FOXO3: variants seen among roughly 807,000 people sequenced by gnomAD.
FOXO3 encodes forkhead box protein O3.
Under a neutral mutation model 41.9 loss-of-function variants are expected in FOXO3, and 4 were observed. The observed-to-expected ratio is 0.10, with a 90% CI of 0.05 to 0.22. The LOEUF is 0.22. FOXO3 is among the 10% of genes least tolerant of loss of function. The pLI is 1.00. For missense variants in FOXO3, 534 were observed against 906.8 expected (o/e 0.59, Z 5.28); for synonymous variants, 318 against 389.3 (o/e 0.82, Z 2.16).
chr6:108,683,506 G>A lies in FOXO3; in HGVS notation c.*3714G>A, dbSNP rs1328437546. The A allele has an allele frequency of 6.6e-6, 1 of 152,184 alleles. No individual in the cohort carries two copies. Among genetic ancestry groups the A allele is most frequent in the East Asian group, 1.9e-4 (1 of 5,184 alleles). The allele number at this position is 152,184 out of a possible 1,614,324, so 9.4% of individuals were successfully genotyped here. ...AATGTTATCCAGCCTGACCAACATGGAGAAACCCCGTCTCCATTAAAAATA... is the reference window on the plus strand; with the variant it reads ...AATGTTATCCAGCCTGACCAACATGAAGAAACCCCGTCTCCATTAAAAATA... On this transcript the variant is annotated 3_prime_UTR_variant, in exon 3 of 3. Coordinates refer to ENST00000406360, the MANE Select transcript of FOXO3 (RefSeq NM_001455.4).
At chr6:108,630,797 A>G (rs1777949867) in intron 1 of FOXO3, among the ~76,000 whole-genome samples, 1 of 152,096 alleles carries the variant, frequency 6.6e-6, no homozygotes, top group Non-Finnish European at 1.5e-5. Flanking sequence ...AGAAGGAAAA[A>G]CTATATTAGA....
intron 1 of FOXO3, among the ~76,000 whole-genome samples, chr6:108,630,458 G>A (rs759454914): frequency 6.6e-6 from 1 of 152,164 alleles, no homozygotes; most frequent in African/African-American, 2.4e-5. Flanking sequence ...ACTTTCAAGG[G>A]AATTTGAACA....
chr6:108,624,452 T>A (rs961084310), intron 1 of FOXO3, among the ~76,000 whole-genome samples: 12 of 152,130 alleles, frequency 7.9e-5, no homozygotes, highest in Non-Finnish European at 1.8e-4. Context: ...GGCCAGTAGG[T>A]TTTTTGCTTA....
chr6:108,622,934 A>G (rs1395193386), intron 1 of FOXO3, among the ~76,000 whole-genome samples: 16 of 151,538 alleles, frequency 1.1e-4, no homozygotes, highest in Non-Finnish European at 2.2e-4. Context: ...CCTTTTAGAA[A>G]AAAAAAAAAA....
In FOXO3 at chr6:108,663,502, C is replaced by T; in HGVS notation, c.669C>T (p.Val223=). The T allele has an allele frequency of 6.2e-7, 1 of 1,609,702 alleles. No individual in the cohort carries two copies. The highest frequency in any genetic ancestry group is 8.5e-7 in the Non-Finnish European group (1 of 1,177,850). The change falls in exon 2 of 3, where the codon GTC becomes GTT. Residue 223 remains valine, a synonymous_variant. Transcript: ENST00000406360. ...NLSLHSRFMR[V]QNEGTGKSSW... is the part of the protein sequence containing the mutation. ...CACTGCATAGTCGATTCATGCGGGT[C>T]CAGAATGAGGGAACTGGCAAGAGCT... is the stretch of plus-strand genomic sequence containing the variant.
At chr6:108,630,108 G>A (rs977284005) in intron 1 of FOXO3, among the ~76,000 whole-genome samples, 1 of 152,188 alleles carries the variant, frequency 6.6e-6, no homozygotes, top group African/African-American at 2.4e-5. Context: ...TAGACCACAA[G>A]TGGCTTCAGA....
intron 2 of FOXO3, among the ~76,000 whole-genome samples, chr6:108,669,712 G>T (rs1378171927): frequency 6.6e-6 from 1 of 152,148 alleles, no homozygotes; most frequent in Admixed American, 6.5e-5. Context: ...GCAGAGGCTG[G>T]TACACTGGCT....
At chr6:108,664,938 G>A in intron 2 of FOXO3, 49 bp downstream of exon 2, 2 of 1,510,128 alleles carry the variant, frequency 1.3e-6, no homozygotes, top group East Asian at 2.3e-5. Context: ...GGGATGAGGG[G>A]GGATCTCTGG....
chr6:108,583,029 A>G (rs546515481), intron 1 of FOXO3, among the ~76,000 whole-genome samples: 85 of 152,204 alleles, frequency 5.6e-4, no homozygotes, highest in Middle Eastern at 3.4e-3. Flanking sequence ...TATTTTCTGG[A>G]TGAGGATATT....
At chr6:108,618,233 T>G in intron 1 of FOXO3, 1 of 809,248 alleles carries the variant, frequency 1.2e-6, no homozygotes, top group Non-Finnish European at 2.2e-6. Flanking sequence ...CACCTTCAAA[T>G]TAATATGATT....
At chr6:108,618,331 T>C (rs1777571904) in intron 1 of FOXO3, 6 of 630,682 alleles carry the variant, frequency 9.5e-6, no homozygotes, top group South Asian at 1.6e-5. Flanking sequence ...AAAAGAGATA[T>C]CAGGTCCACA....
At chr6:108,648,206 T>A (rs1353718123) in intron 1 of FOXO3, among the ~76,000 whole-genome samples, 1 of 152,168 alleles carries the variant, frequency 6.6e-6, no homozygotes, top group African/African-American at 2.4e-5. Context: ...AGAAACTCAG[T>A]ACTGTTAGGA....
In FOXO3 at chr6:108,561,121, C is replaced by A; in HGVS notation, c.-88C>A. Reference sequence around the variant, plus strand: ...CGGCGCCCGGGAGCCGGAGCCTTCGCGGCGTCCACGTCCCTCCCCCGCTGC... The same window carrying A: ...CGGCGCCCGGGAGCCGGAGCCTTCGAGGCGTCCACGTCCCTCCCCCGCTGC... On this transcript the variant is annotated 5_prime_UTR_variant, in exon 1 of 3. Transcript: ENST00000406360. 6.9e-7 allele frequency: 1 copy of A among 1,438,984 alleles called. No homozygotes were observed. Among genetic ancestry groups the A allele is most frequent in the Non-Finnish European group, 9.0e-7 (1 of 1,105,730 alleles). 89.1% of individuals were successfully genotyped at this position (1,438,984 alleles called of 1,614,324 possible).
intron 2 of FOXO3, among the ~76,000 whole-genome samples, chr6:108,671,734 G>A (rs1779221727): frequency 6.6e-6 from 1 of 152,168 alleles, no homozygotes; most frequent in African/African-American, 2.4e-5. Context: ...GTTTTCCTCA[G>A]TGAACTAGAT....
At chr6:108,673,356 C>A (rs115037024) in intron 2 of FOXO3, among the ~76,000 whole-genome samples, 170 of 152,308 alleles carry the variant, frequency 1.1e-3, no homozygotes, top group African/African-American at 3.9e-3. Context: ...CCCTCACTAC[C>A]GGAATCTGCA....
chr6:108,568,364 C>G (rs1037514207), intron 1 of FOXO3, among the ~76,000 whole-genome samples: 2 of 152,118 alleles, frequency 1.3e-5, no homozygotes, highest in Non-Finnish European at 1.5e-5. Flanking sequence ...CTCCTCCCCT[C>G]TTCTAGGCTA....
At chr6:108,661,816 G>GC (rs1229961128) in intron 1 of FOXO3, among the ~76,000 whole-genome samples, 1 of 152,128 alleles carries the variant, frequency 6.6e-6, no homozygotes, top group Non-Finnish European at 1.5e-5. Flanking sequence ...GAGAATTCTT[G>GC]CAAGATGGAG....
chr6:108,600,126 C>T (rs909618435), intron 1 of FOXO3, among the ~76,000 whole-genome samples: 6 of 152,152 alleles, frequency 3.9e-5, no homozygotes, highest in South Asian at 4.1e-4. Flanking sequence ...TGGCTGACCG[C>T]GAGGAAAAAG....
intron 1 of FOXO3, among the ~76,000 whole-genome samples, chr6:108,640,665 A>G (rs1778233090): frequency 6.6e-6 from 1 of 152,152 alleles, no homozygotes; most frequent in South Asian, 2.1e-4. Flanking sequence ...ATACTTCACA[A>G]TTTCATATGT....
Sources: allele counts gnomAD v4.1 joint callset (sites outside exome capture counted in the v4.1 genomes callset), GRCh38; gene constraint gnomAD v4.1.1; transcripts MANE v1.5; gene names NCBI Gene and HGNC (gene_info 2026-07-23, HGNC 2026-07-21).